Variants in CHM observed in about 807,000 individuals in gnomAD.
CHM encodes rab proteins geranylgeranyltransferase component A 1.
CHM carries 10 observed loss-of-function variants against 49.0 expected under a neutral mutation model. The ratio of observed to expected loss-of-function variants is 0.20; its 90% CI spans 0.13 to 0.35. CHM has a LOEUF of 0.35. CHM is among the 10% of genes least tolerant of loss of function. CHM has a pLI of 1.00. For missense variants in CHM, 455 were observed against 478.4 expected (o/e 0.95, Z 0.46); for synonymous variants, 184 against 167.5 (o/e 1.10, Z -0.76).
chrX:85,956,443 A>C, intron 7 of CHM, 65 bp from the exon 8 acceptor site: 1 of 1,153,108 alleles, frequency 8.7e-7, no homozygotes, highest in East Asian at 3.2e-5. Context: ...ACCACCCCAC[A>C]AAAAGGAGAT....
intron 4 of CHM, chrX:85,971,536 A>AT: frequency 4.4e-6 from 1 of 226,870 alleles, no homozygotes; most frequent in African/African-American, 4.1e-5. Flanking sequence ...CGCAGGAGTG[A>AT]AGCTGCAGAT....
In CHM at chrX:85,924,861, C is replaced by CA. The variant is rs774996913; in HGVS notation, c.1167-13524dup. Among the ~76,000 whole-genome samples the CA allele has an allele frequency of 4.5e-5, 5 of 110,687 alleles. No individual in the cohort carries two copies. In the East Asian group the frequency reaches 8.6e-4, roughly 19 times the overall value. On this transcript the variant is annotated intron_variant, in intron 8 of 14. Transcript: ENST00000357749. ...TCATGCTTAATCTAGAAAAAGCTGT[C>CA]AAAAAAAACAACACATAGCCTTCAG...
Position 85,920,256 on chromosome X carries a change from C to T in CHM, c.1167-8918G>A, listed in dbSNP as rs756798437. ...GACTACAGGCGCCCACCACCACACC[C>T]AGCTAATTTTTTCTATTTTTTAGTA... On this transcript the variant is annotated intron_variant, in intron 8 of 14. Coordinates refer to ENST00000357749, the MANE Select transcript of CHM (RefSeq NM_000390.4). Among the ~76,000 whole-genome samples the T allele has an allele frequency of 4.5e-5, 5 of 110,025 alleles. No individual in the cohort carries two copies. In the South Asian group the frequency reaches 2.0e-3, roughly 44 times the overall value.
intron 8 of CHM, among the ~76,000 whole-genome samples, chrX:85,951,841 C>G (rs903294895): frequency 3.6e-5 from 4 of 112,625 alleles, no homozygotes; most frequent in African/African-American, 1.3e-4. Context: ...CTTGAATGGT[C>G]AATGCCAACC....
chrX:85,950,554 T>C (rs1929689138), intron 8 of CHM, among the ~76,000 whole-genome samples: 1 of 109,865 alleles, frequency 9.1e-6, no homozygotes, highest in South Asian at 3.8e-4. Context: ...TATTGAGAGA[T>C]ACAGAAGAGA....
intron 2 of CHM, among the ~76,000 whole-genome samples, chrX:86,011,465 A>T (rs1933070209): frequency 9.0e-6 from 1 of 110,734 alleles, no homozygotes; most frequent in African/African-American, 3.3e-5. Context: ...AGGAGGGGAA[A>T]TTTTCCTGAG....
chrX:85,977,704 C>T (rs1051707507), intron 4 of CHM, among the ~76,000 whole-genome samples: 3 of 112,054 alleles, frequency 2.7e-5, no homozygotes, highest in African/African-American at 9.7e-5. Flanking sequence ...TTAAATCTTT[C>T]AGCACTGGCT....
chrX:85,913,902 G>A (rs1268976887), intron 8 of CHM, among the ~76,000 whole-genome samples: 1 of 110,943 alleles, frequency 9.0e-6, no homozygotes, highest in Non-Finnish European at 1.9e-5. Context: ...TCTTCAGGAA[G>A]AAGGCACTGA....
intron 8 of CHM, among the ~76,000 whole-genome samples, chrX:85,950,197 A>C (rs1439735835): frequency 2.1e-5 from 2 of 94,522 alleles, no homozygotes; most frequent in Non-Finnish European, 4.3e-5. Flanking sequence ...TCAGCTAAGG[A>C]AAAGCATTGC....
chrX:85,964,644 G>C (rs188766910), intron 4 of CHM, among the ~76,000 whole-genome samples: 261 of 111,959 alleles, frequency 2.3e-3, no homozygotes, highest in African/African-American at 8.1e-3. Flanking sequence ...TCAATAAAGG[G>C]AAAAATATCT....
chrX:85,972,841 C>T (rs1241196802), intron 4 of CHM, among the ~76,000 whole-genome samples: 2 of 112,371 alleles, frequency 1.8e-5, no homozygotes, highest in Admixed American at 9.3e-5. Context: ...CCTCAAGTGC[C>T]GCCAAAGTGG....
At chrX:86,017,270 T>C (rs1006760670) in intron 2 of CHM, among the ~76,000 whole-genome samples, 3 of 111,694 alleles carry the variant, frequency 2.7e-5, no homozygotes, top group African/African-American at 9.8e-5. Flanking sequence ...TGGGAGACTG[T>C]TGGGAAGGCA....
intron 13 of CHM, among the ~76,000 whole-genome samples, chrX:85,876,626 C>T (rs1326659145): frequency 9.0e-6 from 1 of 111,326 alleles, no homozygotes; most frequent in Admixed American, 9.6e-5. Context: ...TTTGTTCTGA[C>T]ATTTTAATTA....
intron 8 of CHM, among the ~76,000 whole-genome samples, chrX:85,932,243 AATTTT>A (rs1928479433): frequency 8.9e-6 from 1 of 111,884 alleles, no homozygotes; most frequent in South Asian, 3.7e-4. Context: ...GCAATAGGCC[AATTTT>A]ATTAGTACAT....
chrX:86,034,779 TCAAAA>T (rs1009953131), intron 1 of CHM, among the ~76,000 whole-genome samples: 4 of 109,213 alleles, frequency 3.7e-5, no homozygotes, highest in East Asian at 2.9e-4. Context: ...AGACTTTGTC[TCAAAA>T]CAAAACAAAA....
In CHM at chrX:85,863,068, C is replaced by T. The variant is rs949839758; in HGVS notation, c.*1562G>A. 2.7e-5 allele frequency: 3 copies of T among 110,164 alleles called. No homozygotes were observed. In the East Asian group the frequency reaches 8.5e-4, roughly 31 times the overall value. 9.1% of individuals were successfully genotyped at this position (110,164 alleles called of 1,213,427 possible). On this transcript the variant is annotated 3_prime_UTR_variant, in exon 15 of 15. Transcript: ENST00000357749. The stretch of plus-strand genomic sequence containing the variant: ...TTAAATATAGGCAACATCACTGCAG[C>T]TTAGTTTGCTGCCTATGTACAGCCC...
intron 1 of CHM, among the ~76,000 whole-genome samples, chrX:86,039,720 G>A (rs1252079045): frequency 9.1e-6 from 1 of 110,231 alleles, no homozygotes; most frequent in Non-Finnish European, 1.9e-5. Flanking sequence ...AACCACTTAC[G>A]GCCCACCCCA....
rs1273586529 is a variant in CHM at position 85,910,693 on chromosome X, A to C, written c.1244+568T>G. Among the ~76,000 whole-genome samples, 4 of 111,427 alleles carry C rather than the reference A, an allele frequency of 3.6e-5. No individual in the cohort carries two copies. The East Asian group carries it at 1.1e-3, about 32-fold the overall frequency. On this transcript the variant is annotated intron_variant, in intron 9 of 14. Transcript: ENST00000357749. Reference sequence around the variant, plus strand: ...AGAGGGCAGCATGGTTTATGACAACAATCTACCTAAAAACTCATTAAAGTC... The same window carrying C: ...AGAGGGCAGCATGGTTTATGACAACCATCTACCTAAAAACTCATTAAAGTC...
At chrX:85,921,781 A>G (rs1927799585) in intron 8 of CHM, among the ~76,000 whole-genome samples, 1 of 112,609 alleles carries the variant, frequency 8.9e-6, no homozygotes, top group Non-Finnish European at 1.9e-5. Context: ...AACTATATTC[A>G]TACATATGCA....
Sources: gnomAD v4.1 joint callset for allele counts (sites outside exome capture counted in the v4.1 genomes callset) on GRCh38, gnomAD v4.1.1 for gene constraint, MANE v1.5 for transcripts, NCBI Gene and HGNC (gene_info 2026-07-23, HGNC 2026-07-21) for gene names.